Variants in MAN2B2 observed in about 807,000 individuals in gnomAD.
MAN2B2 encodes the protein mannosidase alpha class 2B member 2.
MAN2B2 carries 106 observed loss-of-function variants against 117.1 expected under a neutral mutation model. That is an observed-to-expected ratio of 0.90 (90% confidence interval 0.77 to 1.06). The LOEUF (loss-of-function observed/expected upper bound fraction) is 1.06, where lower values mean the gene tolerates loss of function less well. Among genes scored for constraint, MAN2B2 ranks in the 50% least tolerant of loss-of-function variants. The pLI, the probability that MAN2B2 is intolerant of heterozygous loss-of-function variation, is 0.00. For missense variants in MAN2B2, 1,326 were observed against 1,381.4 expected, an observed-to-expected ratio of 0.96 and a Z score of 0.64; for synonymous variants, 544 against 595.1, an observed-to-expected ratio of 0.91 and a Z score of 1.25.
intron 13 of MAN2B2, among the ~76,000 whole-genome samples, chr4:6,610,555 A>C (rs1727730720): frequency 6.6e-6 from 1 of 152,244 alleles, no homozygotes; most frequent in African/African-American, 2.4e-5. Flanking sequence ...GTGCTACCAC[A>C]GACAAGAATA....
chr4:6,583,976 C>T (rs1015983087), intron 3 of MAN2B2, among the ~76,000 whole-genome samples: 31 of 152,210 alleles, frequency 2.0e-4, no homozygotes, highest in Non-Finnish European at 2.6e-4. Flanking sequence ...GGTCAAACTC[C>T]GCCATTTTGT....
chr4:6,578,113 C>G (rs557664935), intron 2 of MAN2B2, among the ~76,000 whole-genome samples: 1 of 152,028 alleles, frequency 6.6e-6, no homozygotes, highest in South Asian at 2.1e-4. Context: ...TTGTTCTATT[C>G]CTGAAACTTT....
chr4:6,576,335 G>A (rs1391515984), intron 1 of MAN2B2, among the ~76,000 whole-genome samples: 4 of 152,196 alleles, frequency 2.6e-5, no homozygotes, highest in African/African-American at 9.7e-5. Flanking sequence ...GGCTGGGAGG[G>A]CACCTGTCTC....
At chr4:6,594,765 G>C in intron 7 of MAN2B2, 33 bp downstream of exon 7, 1 of 1,580,408 alleles carries the variant, frequency 6.3e-7, no homozygotes, top group Non-Finnish European at 8.6e-7. Flanking sequence ...GTGGTAGTTT[G>C]GTGGCAGGGA....
chr4:6,600,150 T>C (rs962547475), intron 9 of MAN2B2, among the ~76,000 whole-genome samples: 32 of 152,138 alleles, frequency 2.1e-4, no homozygotes, highest in African/African-American at 7.5e-4. Flanking sequence ...GGCCAGGTCC[T>C]CATCACAGGG....
At chr4:6,600,921 C>T (rs11937713) in intron 10 of MAN2B2, among the ~76,000 whole-genome samples, 165 bp downstream of exon 10, 13,523 of 152,152 alleles carry the variant, frequency 0.089, 690 homozygotes, top group East Asian at 0.15. Context: ...TTTCCCAACA[C>T]CACCCAATTC....
rs1034379373 is a variant in MAN2B2, at chr4:6,600,637, G to A, written c.1420G>A (p.Gly474Arg). 8 of 1,613,942 alleles carry A rather than the reference G, an allele frequency of 5.0e-6. No individual in the cohort carries two copies. Among genetic ancestry groups the A allele is most frequent in the Non-Finnish European group, 5.9e-6 (7 of 1,180,028 alleles). The change falls in exon 10 of 19, where the codon GGA (glycine) becomes AGA (arginine). Residue 474 changes from glycine (G) to arginine (R), a missense_variant. Physicochemically the swap from Gly to Arg is moderately radical, Grantham distance 125 (BLOSUM62 -2). Transcript: ENST00000285599. ...MAASSDAGPA[G>R]HFASVYNPLA... ...TCTGTGTGCAGATGCAGGACCTGCA[G>A]GACATTTTGCCTCGGTCTACAACCC...
chr4:6,614,227 C>A lies in MAN2B2; in HGVS notation c.2573C>A (p.Pro858Gln), dbSNP rs147242306. 2,563 of 1,614,032 alleles carry A rather than the reference C, an allele frequency of 1.6e-3. 4 individuals are homozygous for A. Among genetic ancestry groups the A allele is most frequent in the Non-Finnish European group, 1.9e-3 (2,243 of 1,179,956 alleles). Reference protein sequence around the residue: ...VLFGDLAGTAPKLPGPQQQEA... With the variant: ...VLFGDLAGTAQKLPGPQQQEA... The stretch of plus-strand genomic sequence containing the variant: ...TCCATCTGCCTTGCAGGGACTGCGC[C>A]GAAGCTCCCAGGACCCCAGCAGCAA... Residue 858 changes from proline to glutamine, a missense_variant, in exon 16 of 19, where the codon CCG becomes CAG. Pro to Gln is a moderately conservative substitution (Grantham distance 76). Transcript: ENST00000285599.
At position 6,610,981 on chromosome 4, in the gene MAN2B2, G is replaced by A. The variant is rs139933555; in HGVS notation, c.2361G>A (p.Gly787=). Residue 787 remains glycine, a synonymous_variant, in exon 14 of 19, where the codon GGG becomes GGA. Transcript: ENST00000285599. ...ATGGCATCTCCAGCCAAGGGAATGG[G>A]CAGGTGGAGGTAGGAGGCACGGTCT... is the stretch of plus-strand genomic sequence containing the variant. ...RAHGISSQGN[G]QVEVMLHRRL... 1,043 of 1,614,184 alleles carry A rather than the reference G, an allele frequency of 6.5e-4. 5 individuals carry two copies. Among genetic ancestry groups the A allele is most frequent in the Non-Finnish European group, 8.0e-4 (943 of 1,180,010 alleles).
intron 16 of MAN2B2, among the ~76,000 whole-genome samples, chr4:6,614,953 A>T (rs13149180): frequency 0.3 from 46,370 of 152,156 alleles, 7,477 homozygotes; most frequent in East Asian, 0.56. Context: ...AGGAGGCGAC[A>T]CCTGCTGGGA....
intron 12 of MAN2B2, 38 bp downstream of exon 12, chr4:6,609,336 A>G: frequency 1.3e-6 from 2 of 1,595,722 alleles, no homozygotes; most frequent in Non-Finnish European, 1.7e-6. Flanking sequence ...CCCGGCACAC[A>G]GTCAGCGCAC....
At chr4:6,613,383 G>GT (rs1284492638) in intron 15 of MAN2B2, among the ~76,000 whole-genome samples, 1 of 152,052 alleles carries the variant, frequency 6.6e-6, no homozygotes, top group Non-Finnish European at 1.5e-5. Flanking sequence ...AAGCCCAGGA[G>GT]TTTAAGACTA....
chr4:6,600,752 C>T lies in MAN2B2; in HGVS notation c.1535C>T (p.Ser512Leu), dbSNP rs200057021. The change falls in exon 10 of 19, where the codon TCG becomes TTG. Residue 512 changes from serine to leucine, a missense_variant. By Grantham distance (145) the Ser-to-Leu change is moderately radical. Transcript: ENST00000285599. ...VTDEAGHPVP[S>L]QIQNSTETPS... ...GATGAGGCGGGCCACCCAGTGCCCT[C>T]GCAGGTATGGACACAAAATCCTGCT... 37 of 1,613,342 alleles carry T rather than the reference C, an allele frequency of 2.3e-5. No individual in the cohort carries two copies. The highest frequency in any genetic ancestry group is 2.9e-5 in the Non-Finnish European group (34 of 1,180,028).
In MAN2B2 at chr4:6,577,813, C is replaced by T. The variant is rs1254225485; in HGVS notation, c.286-580C>T. Among the ~76,000 whole-genome samples, 3 of 152,254 alleles carry T rather than the reference C, an allele frequency of 2.0e-5. No homozygotes were observed. In the East Asian group the frequency reaches 5.8e-4, roughly 29 times the overall value. On this transcript the variant is annotated intron_variant, in intron 2 of 18. Coordinates refer to ENST00000285599, the MANE Select transcript of MAN2B2 (RefSeq NM_015274.3). ...GACAGGAAACTTGTGGCAGAGCTCC[C>T]TGGAGGCAGGAATTGTTGCCTGCTT...
intron 7 of MAN2B2, among the ~76,000 whole-genome samples, chr4:6,595,481 G>A (rs563240830): frequency 1.5e-4 from 23 of 152,254 alleles, no homozygotes; most frequent in African/African-American, 4.8e-4. Flanking sequence ...TGTAGAGGCC[G>A]GGAAGTCCAA....
chr4:6,622,871 A>C lies in MAN2B2; in HGVS notation c.*1586A>C, dbSNP rs917800666. On this transcript the variant is annotated 3_prime_UTR_variant, in exon 19 of 19. Transcript: ENST00000285599. ...ACGTGCAGTTTGGCCACCAGACAGC[A>C]AAGACAGTCTCTGGTTTGGCCAGGC... is the stretch of plus-strand genomic sequence containing the variant. 2 of 152,024 alleles carry C rather than the reference A, an allele frequency of 1.3e-5. No homozygotes were observed. Among genetic ancestry groups the C allele is most frequent in the Non-Finnish European group, 2.9e-5 (2 of 68,176 alleles). The allele number at this position is 152,024 out of a possible 1,614,324, so 9.4% of individuals were successfully genotyped here.
At position 6,610,057 on chromosome 4, in the gene MAN2B2, C is replaced by T. The variant is rs1560659964; in HGVS notation, c.2259+7C>T. 3 of 1,613,762 alleles carry T rather than the reference C, an allele frequency of 1.9e-6. No individual in the cohort carries two copies. Among genetic ancestry groups the T allele is most frequent in the Non-Finnish European group, 2.5e-6 (3 of 1,179,758 alleles). ...GAACAACAGCATCGCCCGGGTATGTCCTGCAATGCCCACAAGGCACGCTCC... is the reference window on the plus strand; with the variant it reads ...GAACAACAGCATCGCCCGGGTATGTTCTGCAATGCCCACAAGGCACGCTCC... On this transcript the variant is annotated splice_region_variant and intron_variant, in intron 13 of 18. Transcript: ENST00000285599.
chr4:6,578,967 C>A (rs1347456028), intron 3 of MAN2B2, among the ~76,000 whole-genome samples: 1 of 148,140 alleles, frequency 6.8e-6, no homozygotes, highest in Admixed American at 6.8e-5. Flanking sequence ...ACTACCATCA[C>A]CACCACCACC....
At chr4:6,602,017 C>T (rs1285732886) in intron 10 of MAN2B2, among the ~76,000 whole-genome samples, 11 of 152,172 alleles carry the variant, frequency 7.2e-5, no homozygotes, top group South Asian at 2.1e-4. Flanking sequence ...GGCCAGAAGC[C>T]GAGGGCCATC....
Sources: gnomAD v4.1 joint callset for allele counts (sites outside exome capture counted in the v4.1 genomes callset) on GRCh38, gnomAD v4.1.1 for gene constraint, MANE v1.5 for transcripts, NCBI Gene and HGNC (gene_info 2026-07-23, HGNC 2026-07-21) for gene names.